Variants in CORO1C observed in about 807,000 individuals in gnomAD.
CORO1C encodes coronin 1C, also known as coronin-1C.
CORO1C carries 14 observed loss-of-function variants against 51.2 expected under a neutral mutation model. That is an observed-to-expected ratio of 0.27 (90% CI 0.18 to 0.43). The LOEUF (loss-of-function observed/expected upper bound fraction) is 0.43, where lower values mean the gene tolerates loss of function less well. CORO1C is among the 20% of genes least tolerant of loss of function. CORO1C has a pLI of 1.00. For missense variants in CORO1C, 417 were observed against 607.8 expected, an observed-to-expected ratio of 0.69 and a Z score of 3.30; for synonymous variants, 181 against 210.5, an observed-to-expected ratio of 0.86 and a Z score of 1.21.
At chr12:108,725,314 T>C (rs1302199382) in intron 1 of CORO1C, among the ~76,000 whole-genome samples, 1 of 152,236 alleles carries the variant, frequency 6.6e-6, no homozygotes, top group Admixed American at 6.5e-5. Context: ...ACTTACTCTA[T>C]TTGCTTCTCT....
intron 2 of CORO1C, among the ~76,000 whole-genome samples, chr12:108,690,242 G>A (rs1057475470): frequency 4.6e-5 from 7 of 152,102 alleles, no homozygotes; most frequent in Non-Finnish European, 8.8e-5. Flanking sequence ...AACATTCTGA[G>A]GAGGCTTTAC....
chr12:108,655,725 A>G (rs377704534), intron 6 of CORO1C, among the ~76,000 whole-genome samples: 1 of 151,768 alleles, frequency 6.6e-6, no homozygotes, highest in East Asian at 1.9e-4. Context: ...GATCTCGGCT[A>G]GCTACAACCT....
chr12:108,648,321 A>T lies in CORO1C; in HGVS notation c.1305+284T>A, dbSNP rs147485862. The stretch of plus-strand genomic sequence containing the variant: ...AAAAACCCAAGAGGCTCCTGTTCAC[A>T]CTGAGAGATAGGAGGAAACTGATAC... On this transcript the variant is annotated intron_variant, in intron 10 of 10. Coordinates refer to ENST00000261401, the MANE Select transcript of CORO1C (RefSeq NM_014325.4). Among the ~76,000 whole-genome samples the T allele has an allele frequency of 1.1e-4, 16 of 152,298 alleles. No individual in the cohort carries two copies. The East Asian group carries it at 3.1e-3, about 29-fold the overall frequency.
chr12:108,719,542 GA>G lies in CORO1C; in HGVS notation c.-6+11886del, dbSNP rs1270111644. Among the ~76,000 whole-genome samples the G allele has an allele frequency of 3.3e-5, 5 of 152,106 alleles. 1 individual carries two copies. Among genetic ancestry groups the G allele is most frequent in the Non-Finnish European group, 7.4e-5 (5 of 68,016 alleles). ...TCCTTGTCAAATTCTCAAGTCAAAC[GA>G]ATTCTCAAATACATTAAATCCTTGG... is the stretch of plus-strand genomic sequence containing the variant. On this transcript the variant is annotated intron_variant, in intron 1 of 10. Transcript: ENST00000261401.
intron 1 of CORO1C, among the ~76,000 whole-genome samples, chr12:108,710,076 T>C (rs2035135371): frequency 6.6e-6 from 1 of 152,240 alleles, no homozygotes; most frequent in Non-Finnish European, 1.5e-5. Context: ...TTACTTGTCT[T>C]TTTAAGATGT....
intron 1 of CORO1C, among the ~76,000 whole-genome samples, chr12:108,729,846 A>G (rs1002605257): frequency 3.9e-5 from 6 of 152,252 alleles, no homozygotes; most frequent in African/African-American, 1.4e-4. Flanking sequence ...CAGACGGTAC[A>G]AAGCAACTGC....
At chr12:108,693,569 G>C (rs145373401) in intron 2 of CORO1C, among the ~76,000 whole-genome samples, 2 of 152,216 alleles carry the variant, frequency 1.3e-5, no homozygotes, top group African/African-American at 4.8e-5. Context: ...GTCAAGAAAT[G>C]TAGGATTTTC....
At chr12:108,718,508 C>T (rs1285278275) in intron 1 of CORO1C, among the ~76,000 whole-genome samples, 2 of 152,086 alleles carry the variant, frequency 1.3e-5, no homozygotes, top group African/African-American at 4.8e-5. Flanking sequence ...TGCCACTGTA[C>T]TCCAGCCTGG....
At chr12:108,720,496 CGAA>C (rs369644624) in intron 1 of CORO1C, among the ~76,000 whole-genome samples, 150 of 151,764 alleles carry the variant, frequency 9.9e-4, no homozygotes, top group African/African-American at 3.5e-3. Context: ...ATAAAAATTA[CGAA>C]GTTAGTTTAT....
intron 3 of CORO1C, among the ~76,000 whole-genome samples, chr12:108,671,471 A>T (rs2033718478): frequency 6.6e-6 from 1 of 151,974 alleles, no homozygotes; most frequent in African/African-American, 2.4e-5. Context: ...ACAGGAAAAA[A>T]AAAATTAAAA....
intron 3 of CORO1C, among the ~76,000 whole-genome samples, chr12:108,667,399 G>A (rs1266881018): frequency 6.6e-6 from 1 of 152,208 alleles, no homozygotes; most frequent in African/African-American, 2.4e-5. Context: ...TCTCAAAACT[G>A]TATGCAGTGA....
intron 1 of CORO1C, among the ~76,000 whole-genome samples, chr12:108,710,097 T>C (rs1210037751): frequency 1.3e-5 from 2 of 152,200 alleles, no homozygotes; most frequent in African/African-American, 4.8e-5. Flanking sequence ...AATTTATCAC[T>C]CTCCTCCTAT....
At chr12:108,687,693 G>A (rs755956120) in intron 2 of CORO1C, among the ~76,000 whole-genome samples, 3 of 151,724 alleles carry the variant, frequency 2.0e-5, no homozygotes, top group South Asian at 2.1e-4. Context: ...GCTGAGGCAC[G>A]AGAATCGCTT....
rs1482373256 is a variant in CORO1C, at chr12:108,658,504, T to C, written c.630+234A>G. Among the ~76,000 whole-genome samples the C allele has an allele frequency of 6.6e-6, 1 of 152,194 alleles. No individual in the cohort carries two copies. The highest frequency in any genetic ancestry group is 1.5e-5 in the Non-Finnish European group (1 of 68,038). On this transcript the variant is annotated intron_variant, in intron 5 of 10. Coordinates refer to ENST00000261401, the MANE Select transcript of CORO1C (RefSeq NM_014325.4). This position sits in a 1 kb window ranked among gnomAD's most constrained non-coding sequence, Gnocchi z 4.9. ...CTAGTGAACTGATACAAACTATTTC[T>C]TTGTGAAAAAAGGCTACAAAGTGAG...
intron 10 of CORO1C, among the ~76,000 whole-genome samples, chr12:108,648,098 G>C (rs1257993922): frequency 6.6e-6 from 1 of 152,006 alleles, no homozygotes; most frequent in Non-Finnish European, 1.5e-5. Context: ...CCACCCAAAG[G>C]GCTCTTGCCT....
At position 108,657,441 on chromosome 12, in the gene CORO1C, A is replaced by G; in HGVS notation, c.631-18T>C. The G allele has an allele frequency of 1.9e-6, 3 of 1,610,030 alleles. No individual in the cohort carries two copies. The highest frequency in any genetic ancestry group is 2.5e-6 in the Non-Finnish European group (3 of 1,178,220). ...TCCTTCTCCTGGAGAGCAAAAAGGC[A>G]CATGCCACACATTAAACTGCAAGAA... On this transcript the variant is annotated intron_variant, in intron 5 of 10. Coordinates refer to ENST00000261401, the MANE Select transcript of CORO1C (RefSeq NM_014325.4).
chr12:108,655,191 T>C (rs1241662883), intron 6 of CORO1C, among the ~76,000 whole-genome samples: 1 of 152,188 alleles, frequency 6.6e-6, no homozygotes, highest in Non-Finnish European at 1.5e-5. Context: ...TGATAGAATG[T>C]ATGTTGTATT....
chr12:108,645,252 C>G lies in CORO1C; in HGVS notation c.*2151G>C, dbSNP rs896244914. ...GCTTAAAAAAAAAAAAAAAAAAAGA[C>G]AAAACAGGAAAATAATCCACAATGC... On this transcript the variant is annotated 3_prime_UTR_variant, in exon 11 of 11. Coordinates refer to ENST00000261401, the MANE Select transcript of CORO1C (RefSeq NM_014325.4). 7.1e-6 allele frequency: 1 copy of G among 141,548 alleles called. No individual in the cohort carries two copies. The highest frequency in any genetic ancestry group is 2.6e-5 in the African/African-American group (1 of 38,720). 8.8% of individuals were successfully genotyped at this position (141,548 alleles called of 1,614,324 possible).
chr12:108,726,651 C>T (rs1187695290), intron 1 of CORO1C, among the ~76,000 whole-genome samples: 2 of 140,050 alleles, frequency 1.4e-5, no homozygotes, highest in Non-Finnish European at 3.1e-5. Context: ...CTCTACAAAA[C>T]ATTAAAAAAA....
Sources: allele counts gnomAD v4.1 joint callset (sites outside exome capture counted in the v4.1 genomes callset), GRCh38; gene constraint gnomAD v4.1.1; non-coding constraint Gnocchi (gnomAD v3.1); transcripts MANE v1.5; gene names NCBI Gene and HGNC (gene_info 2026-07-23, HGNC 2026-07-21).